Variants in PTOV1 observed in about 807,000 individuals in gnomAD.
PTOV1 encodes PTOV1 extended AT-hook containing adaptor protein.
In PTOV1, 20 loss-of-function variants were observed where a neutral mutation model predicts 58.0. That is an observed-to-expected ratio of 0.34 (90% CI 0.24 to 0.50). The LOEUF is 0.50. Among genes scored for constraint, PTOV1 ranks in the 20% least tolerant of loss-of-function variants. PTOV1 has a pLI of 0.98. For missense variants in PTOV1, 593 were observed against 565.4 expected, an observed-to-expected ratio of 1.05 and a Z score of -0.50; for synonymous variants, 335 against 234.2, an observed-to-expected ratio of 1.43 and a Z score of -3.93.
At chr19:49,857,098 G>A (rs756843452) in exon 6 of PTOV1, 3 of 1,614,056 alleles carry the variant, frequency 1.9e-6, no homozygotes, top group Non-Finnish European at 2.5e-6. Flanking sequence ...CTTCGTCAGT[G>A]CCATCCGGCA....
chr19:49,856,781 G>A (rs978113291), intron 5 of PTOV1, 194 bp from the exon 6 acceptor site: 1 of 642,328 alleles, frequency 1.6e-6, no homozygotes, highest in Non-Finnish European at 2.6e-6. Flanking sequence ...CCTCAGCCAT[G>A]GCAGGGTCGG....
At chr19:49,858,145 GCAC>G in intron 9 of PTOV1, 31 bp downstream of exon 9, 2 of 1,607,608 alleles carry the variant, frequency 1.2e-6, no homozygotes, top group South Asian at 2.2e-5. Context: ...GCTGGAGCCT[GCAC>G]GCAGTAGCTC....
In PTOV1 at chr19:49,854,283, C is replaced by G. The variant is rs762360379; in HGVS notation, c.172-123C>G. 1.4e-5 allele frequency: 19 copies of G among 1,329,488 alleles called. No individual in the cohort carries two copies. In the Admixed American group the frequency reaches 1.5e-4, roughly 11 times the overall value. The allele number at this position is 1,329,488 out of a possible 1,614,324, so 82.4% of individuals were successfully genotyped here. On this transcript the variant is annotated intron_variant, in intron 1 of 11. Coordinates refer to ENST00000391842, the Ensembl canonical transcript of PTOV1. ...TGAGCAGAGGGTTTGGACATGGCCCCGTGGGCTTCCAGCAGGGGATTTGGG... is the reference window on the plus strand; with the variant it reads ...TGAGCAGAGGGTTTGGACATGGCCCGGTGGGCTTCCAGCAGGGGATTTGGG...
chr19:49,851,437 T>C, exon 1 of PTOV1: 1 of 1,217,076 alleles, frequency 8.2e-7, no homozygotes, highest in Non-Finnish European at 1.0e-6. Context: ...CTCGCGCTCC[T>C]GGCCTGCCAG....
In PTOV1 at chr19:49,854,403, C is replaced by T. The variant is rs2074371582; in HGVS notation, c.172-3C>T. 1.2e-6 allele frequency: 2 copies of T among 1,606,990 alleles called. No individual in the cohort carries two copies. The highest frequency in any genetic ancestry group is 2.7e-5 in the African/African-American group (2 of 74,752). ...TTCCCACCTATCCCCCACTCCATTG[C>T]AGGAAGGTGCTCGGGTCTTCGGGGC... On this transcript the variant is annotated splice_polypyrimidine_tract_variant and splice_region_variant and intron_variant, in intron 1 of 11. Transcript: ENST00000391842.
At chr19:49,854,333 G>C in intron 1 of PTOV1, 73 bp from the exon 2 acceptor site, 1 of 1,539,130 alleles carries the variant, frequency 6.5e-7, no homozygotes, top group Non-Finnish European at 8.8e-7. Context: ...CGTCCCCTCT[G>C]GGGTGTGTGG....
intron 10 of PTOV1, chr19:49,858,894 C>G (rs1406287408): frequency 2.1e-6 from 1 of 484,402 alleles, no homozygotes; most frequent in Non-Finnish European, 3.8e-6. Flanking sequence ...GCTGACTCAG[C>G]ACCAACTCCG....
intron 10 of PTOV1, chr19:49,858,927 G>A (rs2074608910): frequency 1.1e-5 from 4 of 351,420 alleles, no homozygotes; most frequent in Non-Finnish European, 2.1e-5. Flanking sequence ...CTCAGGGACA[G>A]GCGCCCTTGT....
At chr19:49,851,368 G>T in exon 1 of PTOV1, 1 of 1,118,274 alleles carries the variant, frequency 8.9e-7, no homozygotes, top group Non-Finnish European at 1.1e-6. Context: ...CTCCGGCGCC[G>T]GGGGCCCCCT....
At chr19:49,858,390 C>CCA in intron 9 of PTOV1, 159 bp from the exon 10 acceptor site, 1 of 704,536 alleles carries the variant, frequency 1.4e-6, no homozygotes, top group Non-Finnish European at 2.4e-6. Context: ...CCACAGCACT[C>CCA]CAGGGTTGGG....
At chr19:49,851,593 C>A in intron 1 of PTOV1, 94 bp downstream of exon 1, 1 of 1,019,348 alleles carries the variant, frequency 9.8e-7, no homozygotes, top group South Asian at 4.8e-5. Context: ...CCCCGCCGCT[C>A]CGGGGTGTCC....
At chr19:49,854,625 A>C (rs1233931883) in intron 2 of PTOV1, 27 bp from the exon 3 acceptor site, 1 of 1,613,252 alleles carries the variant, frequency 6.2e-7, no homozygotes, top group Admixed American at 1.7e-5. Context: ...TAGGCTGTGC[A>C]CAGTGACGCC....
At chr19:49,857,369 C>T (rs1023573086) in intron 6 of PTOV1, 4 of 633,096 alleles carry the variant, frequency 6.3e-6, no homozygotes, top group Non-Finnish European at 8.2e-6. Flanking sequence ...GCCAGCGGAG[C>T]GGGGAGCTGG....
At chr19:49,858,903 C>T (rs550655179) in intron 10 of PTOV1, 53 of 444,148 alleles carry the variant, frequency 1.2e-4, no homozygotes, top group Middle Eastern at 6.1e-4. Context: ...GCACCAACTC[C>T]GCGCTCTCCA....
At position 49,855,515 on chromosome 19, in the gene PTOV1, C is replaced by T. The variant is rs535029806; in HGVS notation, c.558+438C>T. The T allele has an allele frequency of 5.2e-4, 115 of 219,226 alleles. 1 individual carries two copies. Among genetic ancestry groups the T allele is most frequent in the Non-Finnish European group, 8.6e-4 (91 of 106,278 alleles). The allele number at this position is 219,226 out of a possible 1,614,324, so 13.6% of individuals were successfully genotyped here. ...ACCTCCCCGAGTGGCCTGAGCTGGC[C>T]GTGAGGGAGCAGAGCTGAGGGTGCT... On this transcript the variant is annotated intron_variant, in intron 5 of 11. Transcript: ENST00000391842.
rs373434144 is a variant in PTOV1 at position 49,857,123 on chromosome 19, G to A, written c.707G>A (p.Arg236His). 6.8e-6 allele frequency: 11 copies of A among 1,613,890 alleles called. No individual in the cohort carries two copies. Among genetic ancestry groups the A allele is most frequent in the African/African-American group, 2.7e-5 (2 of 74,942 alleles). Reference sequence around the variant, plus strand: ...GCCATCCGGCAGGTCATCACCACCCGCAAGCAGGTGTGCCAGCCAAGCACA... The same window carrying A: ...GCCATCCGGCAGGTCATCACCACCCACAAGCAGGTGTGCCAGCCAAGCACA... The change falls in exon 6 of 12, where the codon CGC becomes CAC. Residue 236 changes from arginine (R) to histidine (H), a missense_variant. Arg to His is a conservative substitution (Grantham distance 29). Coordinates refer to ENST00000391842, the Ensembl canonical transcript of PTOV1.
rs913129307 is a variant in PTOV1 at position 49,851,618 on chromosome 19, G to A, written c.171+119G>A. On this transcript the variant is annotated intron_variant, in intron 1 of 11. Transcript: ENST00000391842. ...CCGGGGTGTCCCCTGTGGCCCGAAG[G>A]GTGGTCCCGCCCGGGGCCGGGTTCC... The A allele has an allele frequency of 6.6e-5, 70 of 1,056,620 alleles. No individual in the cohort carries two copies. The African/African-American group carries it at 1.1e-3, about 16-fold the overall frequency. 65.5% of individuals were successfully genotyped at this position (1,056,620 alleles called of 1,614,324 possible). A position where few individuals can be genotyped will look rare whatever the true frequency, so the allele number is the denominator to read the frequency against.
intron 5 of PTOV1, 89 bp downstream of exon 5, chr19:49,855,166 G>A: frequency 7.5e-7 from 1 of 1,331,812 alleles, no homozygotes; most frequent in Non-Finnish European, 1.1e-6. Context: ...GGGGGTCGGG[G>A]GGTCTCCCCT....
chr19:49,854,596 G>C, intron 2 of PTOV1, 53 bp downstream of exon 2: 1 of 1,612,818 alleles, frequency 6.2e-7, no homozygotes, highest in South Asian at 1.1e-5. Flanking sequence ...TTGTCCCTGC[G>C]GGGACAGGCC....
Sources: allele counts gnomAD v4.1 joint callset, GRCh38; gene constraint gnomAD v4.1.1; transcripts MANE v1.5; gene names NCBI Gene and HGNC (gene_info 2026-07-23, HGNC 2026-07-21).